Variants in RALYL observed in about 807,000 individuals in gnomAD.
The protein encoded by RALYL is RALY RNA binding protein like.
Under a neutral mutation model 35.1 loss-of-function variants are expected in RALYL, and 29 were observed. That is an observed-to-expected ratio of 0.83 (90% CI 0.61 to 1.13). The LOEUF (loss-of-function observed/expected upper bound fraction) is 1.13. Ranked by LOEUF, RALYL falls within the 50% of genes most tolerant of loss-of-function variation. The pLI, the probability that RALYL is intolerant of heterozygous loss-of-function variation, is 0.00. For synonymous variants in RALYL, 120 were observed against 127.6 expected, an observed-to-expected ratio of 0.94 and a Z score of 0.40; for missense variants, 359 against 360.4, an observed-to-expected ratio of 1.00 and a Z score of 0.03.
intron 1 of RALYL, among the ~76,000 whole-genome samples, chr8:84,190,552 G>A (rs1283915022): frequency 6.6e-6 from 1 of 152,178 alleles, no homozygotes; most frequent in Non-Finnish European, 1.5e-5. Flanking sequence ...AGAGGTCAAA[G>A]TATAGGGAGG....
chr8:84,332,476 C>T (rs1436685242), intron 1 of RALYL, among the ~76,000 whole-genome samples: 2 of 151,782 alleles, frequency 1.3e-5, no homozygotes, highest in African/African-American at 4.8e-5. Context: ...GGGGAATTCT[C>T]GGAGCATGAG....
chr8:84,313,109 T>C (rs1563716514), intron 1 of RALYL, among the ~76,000 whole-genome samples: 1 of 152,186 alleles, frequency 6.6e-6, no homozygotes, highest in South Asian at 2.1e-4. Context: ...GCTTTGGACT[T>C]GGGCTCCCCT....
intron 3 of RALYL, among the ~76,000 whole-genome samples, chr8:84,775,535 A>G (rs967686700): frequency 1.3e-5 from 2 of 152,132 alleles, no homozygotes; most frequent in African/African-American, 2.4e-5. Flanking sequence ...TTTCCCAGAC[A>G]ACAAATATAG....
chr8:84,652,695 T>C (rs913699831), intron 2 of RALYL, among the ~76,000 whole-genome samples: 23 of 151,898 alleles, frequency 1.5e-4, no homozygotes, highest in Non-Finnish European at 7.4e-5. Context: ...ATAAAGGGAG[T>C]AAGAGGTAAG....
At chr8:84,468,548 C>T (rs2052123580) in intron 1 of RALYL, among the ~76,000 whole-genome samples, 1 of 148,622 alleles carries the variant, frequency 6.7e-6, no homozygotes, top group African/African-American at 2.4e-5. Context: ...TGAGGGTAAC[C>T]CGACCTTTCT....
In RALYL at chr8:84,704,846, A is replaced by G. The variant is rs553313208; in HGVS notation, c.257-69733A>G. Among the ~76,000 whole-genome samples the G allele has an allele frequency of 4.6e-5, 7 of 152,372 alleles. No individual in the cohort carries two copies. The East Asian group carries it at 5.8e-4, about 13-fold the overall frequency. ...TCCTTTACACTGAAACAATGCTTCT[A>G]TGAAGAGTTATGGAGATGATATTTC... On this transcript the variant is annotated intron_variant, in intron 2 of 8. Transcript: ENST00000521268.
At chr8:84,452,278 G>A (rs2049573985) in intron 1 of RALYL, among the ~76,000 whole-genome samples, 1 of 148,850 alleles carries the variant, frequency 6.7e-6, no homozygotes, top group African/African-American at 2.5e-5. Flanking sequence ...CTCTCACAAA[G>A]TTATGTGCTG....
chr8:84,448,512 G>GC (rs1256785235), intron 1 of RALYL, among the ~76,000 whole-genome samples: 3 of 151,986 alleles, frequency 2.0e-5, no homozygotes, highest in Non-Finnish European at 4.4e-5. Context: ...GAAGAGAGGT[G>GC]ATGAAAAACC....
chr8:84,519,773 A>T (rs1451937050), intron 1 of RALYL, among the ~76,000 whole-genome samples: 1 of 152,246 alleles, frequency 6.6e-6, no homozygotes, highest in African/African-American at 2.4e-5. Context: ...ATAAAGAATT[A>T]AAGTGTCACT....
chr8:84,744,243 A>G (rs77429779), intron 2 of RALYL, among the ~76,000 whole-genome samples: 12 of 152,144 alleles, frequency 7.9e-5, no homozygotes, highest in African/African-American at 2.9e-4. Flanking sequence ...AATGTCCATA[A>G]TTCTAAGCTC....
At chr8:84,492,664 G>A (rs747881087) in intron 1 of RALYL, among the ~76,000 whole-genome samples, 5 of 151,918 alleles carry the variant, frequency 3.3e-5, no homozygotes, top group Non-Finnish European at 7.4e-5. Flanking sequence ...AAAATGTACT[G>A]GATACCAGAA....
intron 1 of RALYL, among the ~76,000 whole-genome samples, chr8:84,448,899 CA>C (rs954734597): frequency 2.0e-5 from 3 of 151,816 alleles, no homozygotes; most frequent in Non-Finnish European, 4.4e-5. Flanking sequence ...TTGCATTCTT[CA>C]AAAACAAAAC....
At chr8:84,461,869 C>G (rs2050828631) in intron 1 of RALYL, among the ~76,000 whole-genome samples, 1 of 151,498 alleles carries the variant, frequency 6.6e-6, no homozygotes, top group South Asian at 2.1e-4. Flanking sequence ...TAGAGTGGTA[C>G]ATTTGTTGCA....
intron 2 of RALYL, among the ~76,000 whole-genome samples, chr8:84,661,203 C>T (rs982365428): frequency 6.6e-6 from 1 of 152,078 alleles, no homozygotes; most frequent in Admixed American, 6.6e-5. Flanking sequence ...GCTGGGATTA[C>T]AGACAAGAGC....
At chr8:84,490,754 G>A (rs1446627973) in intron 1 of RALYL, among the ~76,000 whole-genome samples, 3 of 151,062 alleles carry the variant, frequency 2.0e-5, no homozygotes, top group African/African-American at 7.3e-5. Context: ...TTTGATTGAG[G>A]GTGAATCAGA....
rs184179097 is a variant in RALYL, at chr8:84,348,801, G to A, written c.-24+164377G>A. Reference sequence around the variant, plus strand: ...AAAGGATTATGGTGTATGTATGTTCGGGTGGTGTATGTGTGTAAATTATCA... The same window carrying A: ...AAAGGATTATGGTGTATGTATGTTCAGGTGGTGTATGTGTGTAAATTATCA... On this transcript the variant is annotated intron_variant, in intron 1 of 8. Transcript: ENST00000521268. 2.4e-3 allele frequency among the ~76,000 whole-genome samples: 328 copies of A among 137,166 alleles called. 23 individuals are homozygous for A. Among genetic ancestry groups the A allele is most frequent in the African/African-American group, 9.2e-3 (317 of 34,370 alleles). 90.0% of individuals were successfully genotyped at this position (137,166 alleles called of 152,430 possible).
chr8:84,604,715 T>A (rs894688489), intron 2 of RALYL, among the ~76,000 whole-genome samples: 1 of 152,152 alleles, frequency 6.6e-6, no homozygotes, highest in Non-Finnish European at 1.5e-5. Flanking sequence ...CTTAACCTCA[T>A]ATCAATTTGA....
intron 1 of RALYL, among the ~76,000 whole-genome samples, chr8:84,316,279 C>A (rs2130175012): frequency 6.6e-6 from 1 of 152,192 alleles, no homozygotes; most frequent in Admixed American, 6.5e-5. Flanking sequence ...ATGAGAAAGA[C>A]ATGGAAAATT....
chr8:84,841,508 C>G (rs1269333559), intron 4 of RALYL, among the ~76,000 whole-genome samples: 4 of 152,140 alleles, frequency 2.6e-5, no homozygotes, highest in African/African-American at 9.7e-5. Context: ...GACTCCAACA[C>G]AATAATAATG....
Sources: gnomAD v4.1 joint callset for allele counts (sites outside exome capture counted in the v4.1 genomes callset) on GRCh38, gnomAD v4.1.1 for gene constraint, MANE v1.5 for transcripts, NCBI Gene and HGNC (gene_info 2026-07-23, HGNC 2026-07-21) for gene names.